Variants in PREX2 observed in about 807,000 individuals in gnomAD.
The protein encoded by PREX2 is phosphatidylinositol-3,4,5-trisphosphate dependent Rac exchange factor 2, also known as phosphatidylinositol 3,4,5-trisphosphate-dependent Rac exchanger 2 protein.
PREX2 carries 107 observed loss-of-function variants against 203.2 expected under a neutral mutation model. That is an observed-to-expected ratio of 0.53 (90% CI 0.45 to 0.62). The LOEUF is 0.62. PREX2 is among the 20% of genes least tolerant of loss of function. PREX2 has a pLI of 0.00. For missense variants in PREX2, 1,777 were observed against 1,955.9 expected (o/e 0.91, Z 1.72); for synonymous variants, 672 against 663.6 (o/e 1.01, Z -0.19).
At position 68,108,351 on chromosome 8, in the gene PREX2, TTTA is replaced by T; in HGVS notation, c.2938+22_2938+24del. 6.3e-7 allele frequency: 1 copy of T among 1,584,098 alleles called. No individual in the cohort carries two copies. Among genetic ancestry groups the T allele is most frequent in the Non-Finnish European group, 8.7e-7 (1 of 1,155,670 alleles). ...AGCAAGGTATGCTAGCTTTTGCAACTTTATCAAATCATGAAAAGCAATTTAGGC... is the reference window on the plus strand; with the variant it reads ...AGCAAGGTATGCTAGCTTTTGCAACTTCAAATCATGAAAAGCAATTTAGGC... On this transcript the variant is annotated intron_variant, in intron 24 of 39. Coordinates refer to ENST00000288368, the MANE Select transcript of PREX2 (RefSeq NM_024870.4).
chr8:68,165,956 A>G (rs1251050249), intron 35 of PREX2, among the ~76,000 whole-genome samples: 1 of 152,196 alleles, frequency 6.6e-6, no homozygotes, highest in African/African-American at 2.4e-5. Context: ...AAGTATCTGC[A>G]ATGTTTTAAA....
At chr8:68,015,585 T>C (rs1308770400) in intron 1 of PREX2, among the ~76,000 whole-genome samples, 1 of 152,226 alleles carries the variant, frequency 6.6e-6, no homozygotes, top group Non-Finnish European at 1.5e-5. Flanking sequence ...AGAAAAGGTT[T>C]ATAAATGTAG....
At chr8:68,117,147 G>A (rs1302188717) in intron 26 of PREX2, among the ~76,000 whole-genome samples, 1 of 152,146 alleles carries the variant, frequency 6.6e-6, no homozygotes, top group East Asian at 1.9e-4. Flanking sequence ...TACAAACTAG[G>A]AGCTAACATT....
At chr8:68,218,038 T>C (rs2129615324) in intron 38 of PREX2, among the ~76,000 whole-genome samples, 1 of 114,588 alleles carries the variant, frequency 8.7e-6, no homozygotes, top group African/African-American at 4.1e-5. Context: ...ACATATGGCA[T>C]TTTTTGGCAA....
intron 1 of PREX2, among the ~76,000 whole-genome samples, chr8:67,959,901 C>T (rs1382963176): frequency 6.6e-6 from 1 of 152,162 alleles, no homozygotes; most frequent in Non-Finnish European, 1.5e-5. Context: ...GCAAACAACA[C>T]AGCCTCTGTA....
intron 5 of PREX2, among the ~76,000 whole-genome samples, chr8:68,029,932 A>G (rs1807831861): frequency 6.6e-6 from 1 of 152,160 alleles, no homozygotes; most frequent in East Asian, 1.9e-4. Context: ...AGCCTGAGTA[A>G]TTGGGGAAAA....
At chr8:68,103,475 C>T (rs371513674) in intron 23 of PREX2, 13 of 500,572 alleles carry the variant, frequency 2.6e-5, no homozygotes, top group African/African-American at 5.9e-5. Flanking sequence ...ATTGTTTATT[C>T]GTGTCAGCGT....
rs377457797 is a variant in PREX2 at position 68,172,469 on chromosome 8, T to C, written c.4346+15033T>C. 1.2e-4 allele frequency among the ~76,000 whole-genome samples: 18 copies of C among 152,340 alleles called. No homozygotes were observed. In the East Asian group the frequency reaches 3.3e-3, roughly 28 times the overall value. ...CCAAGAACATTTTGTCTGTAGGTTA[T>C]GATAAATATTAAACAAAATTTTAAC... On this transcript the variant is annotated intron_variant, in intron 35 of 39. Transcript: ENST00000288368.
At chr8:68,227,964 G>A (rs1325687166) in intron 39 of PREX2, among the ~76,000 whole-genome samples, 2 of 152,142 alleles carry the variant, frequency 1.3e-5, no homozygotes, top group East Asian at 1.9e-4. Flanking sequence ...TGGCATTGGG[G>A]TATTAAGATG....
At chr8:68,048,121 C>T (rs1439360961) in intron 8 of PREX2, among the ~76,000 whole-genome samples, 2 of 151,982 alleles carry the variant, frequency 1.3e-5, no homozygotes, top group Non-Finnish European at 2.9e-5. Context: ...GGCCAAATTT[C>T]CATTCAACCA....
At chr8:68,096,668 G>A (rs1051177779) in intron 21 of PREX2, among the ~76,000 whole-genome samples, 1 of 151,924 alleles carries the variant, frequency 6.6e-6, no homozygotes, top group East Asian at 1.9e-4. Context: ...AACATTCGAG[G>A]CAGTTTTAGA....
chr8:68,000,646 T>C (rs1459889024), intron 1 of PREX2, among the ~76,000 whole-genome samples: 2 of 152,136 alleles, frequency 1.3e-5, no homozygotes, highest in African/African-American at 4.8e-5. Flanking sequence ...GCCAAGGCAA[T>C]ACTAAGCAAA....
rs183068191 is a variant in PREX2, at chr8:68,052,551, T to C, written c.944-546T>C. Among the ~76,000 whole-genome samples the C allele has an allele frequency of 8.5e-5, 13 of 152,306 alleles. 1 individual carries two copies. The East Asian group carries it at 2.3e-3, about 27-fold the overall frequency. Reference sequence around the variant, plus strand: ...GAGTGTATGTCTTGACAATCTACGATGATAATGCTTTGGCATTTGTATGTT... The same window carrying C: ...GAGTGTATGTCTTGACAATCTACGACGATAATGCTTTGGCATTTGTATGTT... On this transcript the variant is annotated intron_variant, in intron 8 of 39. Coordinates refer to ENST00000288368, the MANE Select transcript of PREX2 (RefSeq NM_024870.4).
chr8:68,099,653 TGG>T (rs759633016), intron 22 of PREX2, 27 bp from the exon 23 acceptor site: 2 of 1,604,110 alleles, frequency 1.2e-6, no homozygotes, highest in Admixed American at 3.4e-5. Flanking sequence ...TTTGTGTGTG[TGG>T]GTGTGCGTGT....
intron 2 of PREX2, 48 bp from the exon 3 acceptor site, chr8:68,019,501 A>G (rs1476551469): frequency 6.5e-7 from 1 of 1,533,816 alleles, no homozygotes; most frequent in Non-Finnish European, 8.8e-7. Flanking sequence ...ATAGACTTAA[A>G]AAAATTGCTT....
rs71253049 is a variant in PREX2 at position 67,987,912 on chromosome 8, AGTGTGT to A, written c.142-29914_142-29909del. Among the ~76,000 whole-genome samples, 995 of 150,894 alleles carry A rather than the reference AGTGTGT, an allele frequency of 6.6e-3. 7 individuals are homozygous for A. The highest frequency in any genetic ancestry group is 9.0e-3 in the Non-Finnish European group (610 of 67,610). The stretch of plus-strand genomic sequence containing the variant: ...TCCTCAGGAATTGTGGCAGCCAGGG[AGTGTGT>A]GTGTGTGTGTGTGTGTGTGAACACA... On this transcript the variant is annotated intron_variant, in intron 1 of 39. Coordinates refer to ENST00000288368, the MANE Select transcript of PREX2 (RefSeq NM_024870.4).
chr8:68,157,766 G>C (rs1387748724), intron 35 of PREX2, among the ~76,000 whole-genome samples: 1 of 151,902 alleles, frequency 6.6e-6, no homozygotes, highest in African/African-American at 2.4e-5. Context: ...AGATTTATTG[G>C]ATTAAGGGTA....
At position 68,090,510 on chromosome 8, in the gene PREX2, G is replaced by T. The variant is rs1221625609; in HGVS notation, c.2114-69G>T. The stretch of plus-strand genomic sequence containing the variant: ...ATATTTTAAAATTGCTTCCATAATT[G>T]TATATATCATACAAATGAATCTTAT... On this transcript the variant is annotated intron_variant, in intron 19 of 39. Transcript: ENST00000288368. 6.5e-6 allele frequency: 9 copies of T among 1,382,166 alleles called. No individual in the cohort carries two copies. The East Asian group carries it at 1.9e-4, about 29-fold the overall frequency. 85.6% of individuals were successfully genotyped at this position (1,382,166 alleles called of 1,614,324 possible).
chr8:68,032,049 T>C (rs1585721983), intron 6 of PREX2, among the ~76,000 whole-genome samples: 1 of 152,182 alleles, frequency 6.6e-6, no homozygotes, highest in Non-Finnish European at 1.5e-5. Flanking sequence ...TTAAAAGTTA[T>C]TGATATTGTT....
Sources: gnomAD v4.1 joint callset for allele counts (sites outside exome capture counted in the v4.1 genomes callset) on GRCh38, gnomAD v4.1.1 for gene constraint, MANE v1.5 for transcripts, NCBI Gene and HGNC (gene_info 2026-07-23, HGNC 2026-07-21) for gene names.